The following REDIC1 variants were observed in gnomAD, a reference collection of about 807,000 sequenced individuals.
The protein encoded by REDIC1 is regulator of DNA class I crossover intermediates 1.
the REDIC1 span, among the ~76,000 whole-genome samples, chr12:39,703,764 G>T: frequency 6.6e-6 from 1 of 152,100 alleles, no homozygotes; most frequent in Non-Finnish European, 1.5e-5. Flanking sequence ...AGAGCCCTCA[G>T]TAATAACGCC....
At chr12:39,711,752 T>G in the REDIC1 span, among the ~76,000 whole-genome samples, 2 of 99,502 alleles carry the variant, frequency 2.0e-5, no homozygotes, top group Non-Finnish European at 4.5e-5. Context: ...TGTATACACA[T>G]GCATGTGTAT....
the REDIC1 span, among the ~76,000 whole-genome samples, chr12:39,760,547 T>A: frequency 2.0e-5 from 3 of 152,048 alleles, no homozygotes; most frequent in Non-Finnish European, 4.4e-5. Context: ...ATTATTCTCT[T>A]CCATGTGCTA....
chr12:39,825,255 G>A, the REDIC1 span, among the ~76,000 whole-genome samples: 1 of 152,066 alleles, frequency 6.6e-6, no homozygotes, highest in Non-Finnish European at 1.5e-5. Context: ...ATTATTTAAG[G>A]TTTTGTATAT....
the REDIC1 span, chr12:39,626,486 T>C: frequency 2.4e-6 from 3 of 1,238,116 alleles, no homozygotes; most frequent in Non-Finnish European, 3.4e-6. Context: ...TTTATTGTTA[T>C]CCAAATCGGG....
the REDIC1 span, among the ~76,000 whole-genome samples, chr12:39,766,588 C>T: frequency 6.6e-6 from 1 of 151,900 alleles, no homozygotes; most frequent in Non-Finnish European, 1.5e-5. Context: ...CTGACTTTTC[C>T]CTTCACTAAA....
chr12:39,733,836 G>A, the REDIC1 span, among the ~76,000 whole-genome samples: 1 of 152,344 alleles, frequency 6.6e-6, no homozygotes, highest in South Asian at 2.1e-4. Flanking sequence ...TATCTTGAAG[G>A]GCTCTGTGGG....
chr12:39,830,327 G>T, the REDIC1 span: 1 of 1,506,798 alleles, frequency 6.6e-7, no homozygotes, highest in Non-Finnish European at 8.8e-7. Context: ...ACTCTCTTGT[G>T]CAGTAAGCTT....
the REDIC1 span, chr12:39,650,255 G>C: frequency 6.2e-7 from 1 of 1,609,248 alleles, no homozygotes; most frequent in Non-Finnish European, 8.5e-7. This position sits in a 1 kb window ranked among gnomAD's most constrained non-coding sequence, Gnocchi z 4.3. Context: ...ACTGTTAACT[G>C]TTCTGATTCC....
At chr12:39,682,738 A>G in the REDIC1 span, 2 of 1,613,046 alleles carry the variant, frequency 1.2e-6, no homozygotes, top group Non-Finnish European at 1.7e-6. Flanking sequence ...TATTTGGGGG[A>G]AAAATGGAAA....
At chr12:39,821,156 G>A in the REDIC1 span, among the ~76,000 whole-genome samples, 10 of 152,108 alleles carry the variant, frequency 6.6e-5, no homozygotes, top group Non-Finnish European at 1.3e-4. Flanking sequence ...GCTCACGCCT[G>A]TAATCCCAGC....
At chr12:39,692,496 T>C in the REDIC1 span, among the ~76,000 whole-genome samples, 1 of 151,434 alleles carries the variant, frequency 6.6e-6, no homozygotes, top group Non-Finnish European at 1.5e-5. Context: ...TTTTGAACTT[T>C]CTATATATTG....
chr12:39,830,376 G>A, the REDIC1 span: 1 of 1,413,304 alleles, frequency 7.1e-7, no homozygotes, highest in African/African-American at 1.4e-5. Flanking sequence ...AAAGTGACAT[G>A]CGCTGAGCCA....
At chr12:39,638,493 T>A in the REDIC1 span, among the ~76,000 whole-genome samples, 1 of 152,086 alleles carries the variant, frequency 6.6e-6, no homozygotes, top group Non-Finnish European at 1.5e-5. Flanking sequence ...TCTCAGCAGA[T>A]CTGTTTGGCT....
chr12:39,810,881 T>C, the REDIC1 span, among the ~76,000 whole-genome samples: 1 of 152,146 alleles, frequency 6.6e-6, no homozygotes, highest in Non-Finnish European at 1.5e-5. Flanking sequence ...TGTTCATCTA[T>C]AGTTTTTCTT....
At chr12:39,637,019 T>C in the REDIC1 span, among the ~76,000 whole-genome samples, 2 of 152,008 alleles carry the variant, frequency 1.3e-5, no homozygotes, top group Non-Finnish European at 2.9e-5. Context: ...CCTGATGCGT[T>C]TCTGTAATTA....
chr12:39,841,725 T>G, the REDIC1 span, among the ~76,000 whole-genome samples: 1 of 152,056 alleles, frequency 6.6e-6, no homozygotes, highest in Non-Finnish European at 1.5e-5. Flanking sequence ...GTGTGCAACA[T>G]GCTTTTTTCA....
At chr12:39,629,794 G>T in the REDIC1 span, among the ~76,000 whole-genome samples, 1 of 152,122 alleles carries the variant, frequency 6.6e-6, no homozygotes, top group Non-Finnish European at 1.5e-5. Flanking sequence ...TATGATAGTA[G>T]TTCCCAAACT....
chr12:39,903,779 A>ACT, the REDIC1 span, among the ~76,000 whole-genome samples: 3 of 152,144 alleles, frequency 2.0e-5, no homozygotes. Context: ...TTCAGTTATG[A>ACT]GAATCAAATA....
chr12:39,643,503 A>G, the REDIC1 span, among the ~76,000 whole-genome samples: 2 of 151,698 alleles, frequency 1.3e-5, no homozygotes, highest in Non-Finnish European at 3.0e-5. Context: ...CTTTCTATAT[A>G]GAGATAATTT....
Sources: gnomAD v4.1 joint callset for allele counts (sites outside exome capture counted in the v4.1 genomes callset) on GRCh38, gnomAD v4.1.1 for gene constraint, Gnocchi (gnomAD v3.1) non-coding constraint, MANE v1.5 for transcripts, NCBI Gene and HGNC (gene_info 2026-07-23, HGNC 2026-07-21) for gene names.